KCNQ3: variants seen among roughly 807,000 people sequenced by gnomAD.
The protein encoded by KCNQ3 is potassium voltage-gated channel subfamily Q member 3, also known as potassium voltage-gated channel subfamily KQT member 3.
KCNQ3 carries 30 observed loss-of-function variants against 92.5 expected under a neutral mutation model. The observed-to-expected ratio is 0.32, with a 90% confidence interval of 0.24 to 0.44. The LOEUF (loss-of-function observed/expected upper bound fraction) is 0.44, where lower values mean the gene tolerates loss of function less well. Among genes scored for constraint, KCNQ3 ranks in the 20% least tolerant of loss-of-function variants. KCNQ3 has a pLI of 1.00. For synonymous variants in KCNQ3, 450 were observed against 468.8 expected, an observed-to-expected ratio of 0.96 and a Z score of 0.52; for missense variants, 913 against 1,140.3, an observed-to-expected ratio of 0.80 and a Z score of 2.87.
rs116880637 is a variant in KCNQ3 at position 132,395,436 on chromosome 8, G to A, written c.386+84711C>T. On this transcript the variant is annotated intron_variant, in intron 1 of 14. Coordinates refer to ENST00000388996, the MANE Select transcript of KCNQ3 (RefSeq NM_004519.4). ...TCAGGAGTTCTAACACGACAGCAAA[G>A]AGATGCCTTAGAGTCTGGTTTGACA... Among the ~76,000 whole-genome samples the A allele has an allele frequency of 6.7e-4, 102 of 152,290 alleles. 1 individual carries two copies. The East Asian group carries it at 0.013, about 20-fold the overall frequency.
chr8:132,153,741 C>A (rs1230274447), intron 9 of KCNQ3, among the ~76,000 whole-genome samples: 2 of 152,136 alleles, frequency 1.3e-5, no homozygotes, highest in South Asian at 2.1e-4. Context: ...CAAGCCCCCC[C>A]CCCATTAACA....
intron 1 of KCNQ3, among the ~76,000 whole-genome samples, chr8:132,197,276 G>C (rs73356959): frequency 0.027 from 4,117 of 152,200 alleles, 215 homozygotes; most frequent in African/African-American, 0.095. Context: ...CTTCTGCCTA[G>C]GATAGAGTTC....
intron 1 of KCNQ3, among the ~76,000 whole-genome samples, chr8:132,411,849 G>T (rs1456931309): frequency 6.6e-6 from 1 of 152,190 alleles, no homozygotes; most frequent in African/African-American, 2.4e-5. Flanking sequence ...GAGGGATGGA[G>T]CCCAGCTCCC....
intron 1 of KCNQ3, among the ~76,000 whole-genome samples, chr8:132,253,981 G>A (rs926792922): frequency 2.6e-5 from 4 of 152,324 alleles, no homozygotes; most frequent in Admixed American, 6.5e-5. Flanking sequence ...AAGCAGATGG[G>A]AGCTATTATC....
chr8:132,436,643 A>G (rs1055923177), intron 1 of KCNQ3, among the ~76,000 whole-genome samples: 2 of 152,198 alleles, frequency 1.3e-5, no homozygotes, highest in African/African-American at 4.8e-5. Flanking sequence ...TTTTACTGGA[A>G]TTTCATTTTT....
At chr8:132,149,694 G>A (rs2004248) in intron 9 of KCNQ3, among the ~76,000 whole-genome samples, 78,630 of 152,024 alleles carry the variant, frequency 0.52, 20,704 homozygotes, top group African/African-American at 0.6. Flanking sequence ...ACACGCGCGC[G>A]GGACAGTTGG....
intron 9 of KCNQ3, among the ~76,000 whole-genome samples, chr8:132,144,468 G>A (rs993383324): frequency 5.9e-5 from 9 of 152,214 alleles, no homozygotes. Flanking sequence ...GGGCACTGCA[G>A]ATCTTGCAAG....
intron 1 of KCNQ3, among the ~76,000 whole-genome samples, chr8:132,476,202 G>T (rs374286161): frequency 6.6e-6 from 1 of 151,726 alleles, no homozygotes; most frequent in African/African-American, 2.4e-5. Flanking sequence ...GGAGTCTGCT[G>T]CAGGAGTGAA....
rs557361311 is a variant in KCNQ3 at position 132,164,216 on chromosome 8, A to G, written c.1236-722T>C. On this transcript the variant is annotated intron_variant, in intron 8 of 14. Coordinates refer to ENST00000388996, the MANE Select transcript of KCNQ3 (RefSeq NM_004519.4). ...CTACTCATCCTTTATGTACACCTGG[A>G]GGGGCCCTCCTAGGGGTTCTTATTC... Among the ~76,000 whole-genome samples, 7 of 152,064 alleles carry G rather than the reference A, an allele frequency of 4.6e-5. No homozygotes were observed. The South Asian group carries it at 1.5e-3, about 32-fold the overall frequency.
At chr8:132,259,948 G>A (rs989708102) in intron 1 of KCNQ3, among the ~76,000 whole-genome samples, 3 of 152,038 alleles carry the variant, frequency 2.0e-5, no homozygotes, top group African/African-American at 4.8e-5. Context: ...AGTACAAGAC[G>A]TACAAGGCTT....
chr8:132,137,599 C>T (rs1222598592), intron 12 of KCNQ3, among the ~76,000 whole-genome samples: 1 of 152,142 alleles, frequency 6.6e-6, no homozygotes, highest in Admixed American at 6.5e-5. Context: ...GTTTTGTTGG[C>T]AACATCGAAA....
chr8:132,415,453 C>A (rs1420292302), intron 1 of KCNQ3, among the ~76,000 whole-genome samples: 1 of 152,208 alleles, frequency 6.6e-6, no homozygotes, highest in African/African-American at 2.4e-5. Flanking sequence ...CTGCAGGAGC[C>A]AAGTCACCCA....
At chr8:132,151,369 A>T (rs141737018) in intron 9 of KCNQ3, among the ~76,000 whole-genome samples, 1 of 152,224 alleles carries the variant, frequency 6.6e-6, no homozygotes, top group Non-Finnish European at 1.5e-5. Context: ...AAAAGGCATA[A>T]AAATATAAAT....
At position 132,308,590 on chromosome 8, in the gene KCNQ3, G is replaced by C. The variant is rs182441594; in HGVS notation, c.387-122409C>G. 7.7e-4 allele frequency among the ~76,000 whole-genome samples: 117 copies of C among 152,272 alleles called. 1 individual carries two copies. Among genetic ancestry groups the C allele is most frequent in the African/African-American group, 2.6e-3 (110 of 41,548 alleles). ...ACACGTAAGGGAAATCAGACACTGT[G>C]ATTCAATGGCTGCATGCGTTTGTTT... On this transcript the variant is annotated intron_variant, in intron 1 of 14. Transcript: ENST00000388996.
At chr8:132,326,661 G>C (rs1006731665) in intron 1 of KCNQ3, among the ~76,000 whole-genome samples, 8 of 152,202 alleles carry the variant, frequency 5.3e-5, no homozygotes, top group African/African-American at 1.7e-4. Context: ...GCAAGACACA[G>C]TGCTCCTCTC....
intron 1 of KCNQ3, among the ~76,000 whole-genome samples, chr8:132,384,204 C>T (rs1013662301): frequency 6.6e-6 from 1 of 152,172 alleles, no homozygotes; most frequent in African/African-American, 2.4e-5. Context: ...ATTTTGTGTT[C>T]TTATCTGTTC....
chr8:132,378,777 G>A (rs563785133), intron 1 of KCNQ3, among the ~76,000 whole-genome samples: 3 of 152,294 alleles, frequency 2.0e-5, no homozygotes, highest in African/African-American at 7.2e-5. Context: ...ATAGGCATGT[G>A]GTCAATTCTG....
At chr8:132,359,464 T>C (rs546734796) in intron 1 of KCNQ3, among the ~76,000 whole-genome samples, 3 of 152,232 alleles carry the variant, frequency 2.0e-5, no homozygotes, top group African/African-American at 7.2e-5. Flanking sequence ...TGTTTCCTCT[T>C]AAGCTCCTCT....
At chr8:132,230,973 C>T (rs981012961) in intron 1 of KCNQ3, among the ~76,000 whole-genome samples, 8 of 152,130 alleles carry the variant, frequency 5.3e-5, no homozygotes, top group African/African-American at 1.9e-4. Context: ...TTATGATGGG[C>T]CCAAATCTGA....
Sources: allele counts gnomAD v4.1 joint callset (sites outside exome capture counted in the v4.1 genomes callset), GRCh38; gene constraint gnomAD v4.1.1; transcripts MANE v1.5; gene names NCBI Gene and HGNC (gene_info 2026-07-23, HGNC 2026-07-21).